CUL7: variants seen among roughly 807,000 people sequenced by gnomAD.
The protein encoded by CUL7 is cullin-7.
A neutral mutation model predicts 177.7 loss-of-function variants in CUL7; 96 were observed. The observed-to-expected ratio is 0.54, with a 90% confidence interval of 0.46 to 0.64. CUL7 has a LOEUF of 0.64. Among genes scored for constraint, CUL7 ranks in the 30% least tolerant of loss-of-function variants. CUL7 has a pLI of 0.00. For missense variants in CUL7, 1,893 were observed against 2,187.9 expected (o/e 0.87, Z 2.69); for synonymous variants, 824 against 890.2 (o/e 0.93, Z 1.32).
At position 43,044,783 on chromosome 6, in the gene CUL7, G is replaced by A. The variant is rs1376937746; in HGVS notation, c.3141C>T (p.Val1047=). The A allele has an allele frequency of 6.2e-7, 1 of 1,613,220 alleles. No homozygotes were observed. The stretch of plus-strand genomic sequence containing the variant: ...AGGTGATGTTCTGCACCACGGGGCT[G>A]ACCAGGGCCTCCCAGCAGGTCTTGC... ...ALGKTCWEAL[V]SPVVQNITSP... Residue 1047 remains valine, a synonymous_variant, in exon 16 of 26, where the codon GTC becomes GTT. Transcript: ENST00000265348.
chr6:43,045,722 AGAGC>A lies in CUL7; in HGVS notation c.2767-44_2767-41del, dbSNP rs1763845897. On this transcript the variant is annotated intron_variant, in intron 13 of 25. Coordinates refer to ENST00000265348, the MANE Select transcript of CUL7 (RefSeq NM_014780.5). This position sits in a 1 kb window ranked among gnomAD's most constrained non-coding sequence, Gnocchi z 4.8. ...AGAAAGCTGTCACCTCCACACATGC[AGAGC>A]CAAGTTGGCTCTAGGCTCCAGTCCC... 6.2e-7 allele frequency: 1 copy of A among 1,605,768 alleles called. No individual in the cohort carries two copies.
chr6:43,052,524 T>G lies in CUL7; in HGVS notation c.265A>C (p.Ile89Leu). 6.2e-7 allele frequency: 1 copy of G among 1,614,250 alleles called. No homozygotes were observed. Among genetic ancestry groups the G allele is most frequent in the South Asian group, 1.1e-5 (1 of 91,090 alleles). Residue 89 changes from isoleucine to leucine, a missense_variant, in exon 2 of 26, where the codon ATC becomes CTC. By Grantham distance (5) the Ile-to-Leu change is conservative. Transcript: ENST00000265348. The surrounding 1 kb of genome is among the most constrained non-coding windows in gnomAD (Gnocchi z 4.5). ...CCTGCAGACTCCTGGGAGGGCCCGA[T>G]GACCTGGCCATCCTCGCCCAGCATC... ...HKMLGEDGQVIGPSQESAGEV... is the reference protein window; with the variant it reads ...HKMLGEDGQVLGPSQESAGEV...
In CUL7 at chr6:43,043,637, G is replaced by A. The variant is rs1284377818; in HGVS notation, c.3173-7C>T. On this transcript the variant is annotated splice_polypyrimidine_tract_variant and splice_region_variant and intron_variant, in intron 16 of 25. Transcript: ENST00000265348. This position sits in a 1 kb window ranked among gnomAD's most constrained non-coding sequence, Gnocchi z 4.2. ...GGGCTAATGCCATCCTCATCTAGAG[G>A]GTGAGATAAACAAACCAAGGCACAG... The A allele has an allele frequency of 1.3e-6, 2 of 1,588,910 alleles. No individual in the cohort carries two copies. The highest frequency in any genetic ancestry group is 1.7e-6 in the Non-Finnish European group (2 of 1,164,914).
At position 43,051,967 on chromosome 6, in the gene CUL7, T is replaced by A; in HGVS notation, c.581-204A>T. On this transcript the variant is annotated intron_variant, in intron 2 of 25. Coordinates refer to ENST00000265348, the MANE Select transcript of CUL7 (RefSeq NM_014780.5). The surrounding 1 kb of genome is among the most constrained non-coding windows in gnomAD (Gnocchi z 5.0). ...ATCTACAATAGTCTAAACTCTAAAT[T>A]CTTCCTTTGCATAAAAAGCAACTAA... The A allele has an allele frequency of 1.1e-6, 1 of 917,008 alleles. No homozygotes were observed. 56.8% of individuals were successfully genotyped at this position (917,008 alleles called of 1,614,324 possible). A position where few individuals can be genotyped will look rare whatever the true frequency, so the allele number is the denominator to read the frequency against.
chr6:43,052,156 G>A lies in CUL7; in HGVS notation c.580+53C>T. 6.2e-7 allele frequency: 1 copy of A among 1,606,102 alleles called. No individual in the cohort carries two copies. On this transcript the variant is annotated intron_variant, in intron 2 of 25. Coordinates refer to ENST00000265348, the MANE Select transcript of CUL7 (RefSeq NM_014780.5). The surrounding 1 kb of genome is among the most constrained non-coding windows in gnomAD (Gnocchi z 4.5). ...CTGCCACAGTGTCCTGTGAGTCCCTGAGCCGACCCAGCCCTTCTCCTGCTT... is the reference window on the plus strand; with the variant it reads ...CTGCCACAGTGTCCTGTGAGTCCCTAAGCCGACCCAGCCCTTCTCCTGCTT...
Position 43,040,409 on chromosome 6 carries a change from A to G in CUL7, c.4041T>C (p.Ser1347=). 4 of 1,612,536 alleles carry G rather than the reference A, an allele frequency of 2.5e-6. No homozygotes were observed. The highest frequency in any genetic ancestry group is 3.4e-6 in the Non-Finnish European group (4 of 1,179,988). Residue 1347 remains serine, a synonymous_variant, in exon 22 of 26, where the codon AGT becomes AGC. Coordinates refer to ENST00000265348, the MANE Select transcript of CUL7 (RefSeq NM_014780.5). The surrounding 1 kb of genome is among the most constrained non-coding windows in gnomAD (Gnocchi z 4.2). ...EKKIQVGLGA[S]GKEHKSEKEE... ...CCTTCTCGCTCTTGTGCTCCTTGCC[A>G]CTGGCCCCAAGGCCCACCTGAAGGA...
chr6:43,044,614 A>G, intron 16 of CUL7, 138 bp downstream of exon 16: 2 of 1,222,312 alleles, frequency 1.6e-6, no homozygotes, highest in Non-Finnish European at 2.2e-6. Context: ...GGCTGTGAGA[A>G]GACAGCACTG....
intron 23 of CUL7, 32 bp downstream of exon 23, chr6:43,038,810 G>A (rs1581902241): frequency 6.2e-7 from 1 of 1,614,188 alleles, no homozygotes; most frequent in Middle Eastern, 1.6e-4. Context: ...CAAAGTGGGA[G>A]ACAGGAGAGA....
chr6:43,038,518 G>T (rs1249386974), intron 24 of CUL7, 46 bp from the exon 25 acceptor site: 1 of 1,613,686 alleles, frequency 6.2e-7, no homozygotes, highest in Non-Finnish European at 8.5e-7. Context: ...CCCACGAGGA[G>T]CCTGGCCCTG....
At position 43,038,988 on chromosome 6, in the gene CUL7, C is replaced by T. The variant is rs1468038290; in HGVS notation, c.4295-1G>A. The T allele has an allele frequency of 6.2e-7, 1 of 1,604,474 alleles. No homozygotes were observed. Among genetic ancestry groups the T allele is most frequent in the East Asian group, 2.2e-5 (1 of 44,836 alleles). On this transcript the variant is annotated splice_acceptor_variant, in intron 22 of 25. Coordinates refer to ENST00000265348, the MANE Select transcript of CUL7 (RefSeq NM_014780.5). LOFTEE classifies it high-confidence loss of function. ...CGCTCAAGGGCAGGGTGGCTCTGAC[C>T]TGGACCAGGAAGGGGGAGGGAGACA... is the stretch of plus-strand genomic sequence containing the variant.
At position 43,049,578 on chromosome 6, in the gene CUL7, T is replaced by C; in HGVS notation, c.1654A>G (p.Asn552Asp). 2 of 1,614,200 alleles carry C rather than the reference T, an allele frequency of 1.2e-6. No individual in the cohort carries two copies. The highest frequency in any genetic ancestry group is 1.7e-6 in the Non-Finnish European group (2 of 1,180,030). Residue 552 changes from asparagine to aspartate, a missense_variant, in exon 7 of 26, where the codon AAT becomes GAT. By Grantham distance (23) the Asn-to-Asp change is conservative. Coordinates refer to ENST00000265348, the MANE Select transcript of CUL7 (RefSeq NM_014780.5). ...DLLLTLPQRL[N>D]DSALRDLINC... The stretch of plus-strand genomic sequence containing the variant: ...ATCAGGTCCCTGAGGGCACTGTCAT[T>C]GAGTCGCTGTGGCAGAGTCAGCAGC...
chr6:43,051,963 A>C lies in CUL7; in HGVS notation c.581-200T>G. 1.1e-6 allele frequency: 1 copy of C among 909,226 alleles called. No homozygotes were observed. Among genetic ancestry groups the C allele is most frequent in the Non-Finnish European group, 1.7e-6 (1 of 598,984 alleles). The allele number at this position is 909,226 out of a possible 1,614,324, so 56.3% of individuals were successfully genotyped here. A position where few individuals can be genotyped will look rare whatever the true frequency, so the allele number is the denominator to read the frequency against. On this transcript the variant is annotated intron_variant, in intron 2 of 25. Coordinates refer to ENST00000265348, the MANE Select transcript of CUL7 (RefSeq NM_014780.5). The surrounding 1 kb of genome is among the most constrained non-coding windows in gnomAD (Gnocchi z 5.0). ...CACGATCTACAATAGTCTAAACTCT[A>C]AATTCTTCCTTTGCATAAAAAGCAA...
rs1387039467 is a variant in CUL7, at chr6:43,051,528, T to C, written c.733-60A>G. 6.2e-7 allele frequency: 1 copy of C among 1,613,940 alleles called. No individual in the cohort carries two copies. The highest frequency in any genetic ancestry group is 1.3e-5 in the African/African-American group (1 of 75,032). ...GTCCCAGTTTAAGCCCCTCTCTCCATACCATCCTCTGCAGATAGGTGCAAA... is the reference window on the plus strand; with the variant it reads ...GTCCCAGTTTAAGCCCCTCTCTCCACACCATCCTCTGCAGATAGGTGCAAA... On this transcript the variant is annotated intron_variant, in intron 3 of 25. Coordinates refer to ENST00000265348, the MANE Select transcript of CUL7 (RefSeq NM_014780.5). The surrounding 1 kb of genome is among the most constrained non-coding windows in gnomAD (Gnocchi z 5.0).
chr6:43,045,121 A>G lies in CUL7; in HGVS notation c.3038+106T>C. On this transcript the variant is annotated intron_variant, in intron 15 of 25. Transcript: ENST00000265348. The surrounding 1 kb of genome is among the most constrained non-coding windows in gnomAD (Gnocchi z 4.8). ...GAAAACTCCAGCCCCCTCCCCACGC[A>G]TATTAAACCTCCATCTCACAGCTTC... 1 of 1,444,186 alleles carries G rather than the reference A, an allele frequency of 6.9e-7. No homozygotes were observed. Among genetic ancestry groups the G allele is most frequent in the South Asian group, 1.2e-5 (1 of 82,200 alleles). 89.5% of individuals were successfully genotyped at this position (1,444,186 alleles called of 1,614,324 possible).
Position 43,040,522 on chromosome 6 carries a change from G to A in CUL7, c.4023+8C>T, listed in dbSNP as rs1379939336. The A allele has an allele frequency of 6.2e-7, 1 of 1,613,752 alleles. No individual in the cohort carries two copies. Among genetic ancestry groups the A allele is most frequent in the Admixed American group, 1.7e-5 (1 of 60,024 alleles). On this transcript the variant is annotated splice_region_variant and intron_variant, in intron 21 of 25. Transcript: ENST00000265348. The surrounding 1 kb of genome is among the most constrained non-coding windows in gnomAD (Gnocchi z 4.2). ...CTCTTATTTGCTTATCCCTTCCAAG[G>A]CACTCACCTGTATTTTCTTCTCTGT...
At chr6:43,046,696 G>A (rs763273685) in intron 10 of CUL7, 95 bp from the exon 11 acceptor site, 1 of 1,554,334 alleles carries the variant, frequency 6.4e-7, no homozygotes, top group Non-Finnish European at 8.8e-7. Flanking sequence ...ATGCAGCAGT[G>A]GGACTTCCTC....
Position 43,049,671 on chromosome 6 carries a change from AAGG to A in CUL7, c.1570-12_1570-10del. Reference sequence around the variant, plus strand: ...ATCTCATCATCCAGAATCTGCCATCAAGGAGAAGCTCTCACTGCAGACAGCCCT... The same window carrying A: ...ATCTCATCATCCAGAATCTGCCATCAAGAAGCTCTCACTGCAGACAGCCCT... On this transcript the variant is annotated splice_polypyrimidine_tract_variant and intron_variant, in intron 6 of 25. Coordinates refer to ENST00000265348, the MANE Select transcript of CUL7 (RefSeq NM_014780.5). 6.2e-7 allele frequency: 1 copy of A among 1,613,934 alleles called. No individual in the cohort carries two copies. The highest frequency in any genetic ancestry group is 8.5e-7 in the Non-Finnish European group (1 of 1,179,896).
Position 43,053,840 on chromosome 6 carries a change from G to T in CUL7, c.-227C>A, listed in dbSNP as rs775044301. 4.6e-6 allele frequency: 7 copies of T among 1,532,916 alleles called. No individual in the cohort carries two copies. The highest frequency in any genetic ancestry group is 6.1e-6 in the Non-Finnish European group (7 of 1,146,290). The allele number at this position is 1,532,916 out of a possible 1,614,324, so 95.0% of individuals were successfully genotyped here. ...CCGGTCCCTGCCAGCGGCTCCGCCA[G>T]CCAAAAGCCACGGCTCATTTCCGCC... On this transcript the variant is annotated 5_prime_UTR_variant, in exon 1 of 26. The change creates a new upstream start codon in the 5' untranslated region. Transcript: ENST00000265348. The surrounding 1 kb of genome is among the most constrained non-coding windows in gnomAD (Gnocchi z 4.1).
intron 7 of CUL7, 72 bp downstream of exon 7, chr6:43,049,335 A>G: frequency 6.2e-7 from 1 of 1,605,072 alleles, no homozygotes; most frequent in Non-Finnish European, 8.5e-7. Flanking sequence ...TTGCATAAAA[A>G]TCAGCACAGA....
Sources: gnomAD v4.1 joint callset for allele counts on GRCh38, gnomAD v4.1.1 for gene constraint, Gnocchi (gnomAD v3.1) non-coding constraint, MANE v1.5 for transcripts, NCBI Gene and HGNC (gene_info 2026-07-23, HGNC 2026-07-21) for gene names.